The following MPPED2 variants were observed in gnomAD, a reference collection of about 807,000 sequenced individuals.
MPPED2 encodes metallophosphoesterase MPPED2.
MPPED2 carries 5 observed loss-of-function variants against 33.0 expected under a neutral mutation model. That is an observed-to-expected ratio of 0.15 (90% CI 0.08 to 0.32). The LOEUF (loss-of-function observed/expected upper bound fraction) is 0.32, where lower values mean the gene tolerates loss of function less well. Among genes scored for constraint, MPPED2 ranks in the 10% least tolerant of loss-of-function variants. MPPED2 has a pLI of 1.00. For missense variants in MPPED2, 275 were observed against 372.1 expected, an observed-to-expected ratio of 0.74 and a Z score of 2.15; for synonymous variants, 136 against 141.9, an observed-to-expected ratio of 0.96 and a Z score of 0.29.
At chr11:30,442,050 G>A (rs1949596353) in intron 4 of MPPED2, among the ~76,000 whole-genome samples, 1 of 152,180 alleles carries the variant, frequency 6.6e-6, no homozygotes, top group Non-Finnish European at 1.5e-5. Flanking sequence ...CTCAGAGATG[G>A]CCAGAAGGAG....
chr11:30,417,623 A>G lies in MPPED2; in HGVS notation c.547T>C (p.Phe183Leu). The change falls in exon 5 of 7, where the codon TTT becomes CTT. Residue 183 changes from phenylalanine to leucine, a missense_variant. Transcript: ENST00000358117. ...RIYGAPWTPWFNGWGFNLPRG... is the reference protein window; with the variant it reads ...RIYGAPWTPWLNGWGFNLPRG... ...GGTAGGTTAAAGCCCCATCCATTAA[A>G]CCACGGGGTCCTTTGGGGGAGATAA... is the stretch of plus-strand genomic sequence containing the variant. 6.2e-7 allele frequency: 1 copy of G among 1,609,072 alleles called. No individual in the cohort carries two copies. Among genetic ancestry groups the G allele is most frequent in the Non-Finnish European group, 8.5e-7 (1 of 1,175,898 alleles).
intron 2 of MPPED2, among the ~76,000 whole-genome samples, chr11:30,557,421 T>C (rs111333870): frequency 1.4e-4 from 22 of 152,198 alleles, no homozygotes; most frequent in African/African-American, 4.8e-4. Context: ...CATTTATTCA[T>C]GACTCATGAT....
At chr11:30,519,427 A>C (rs1017258654) in intron 3 of MPPED2, among the ~76,000 whole-genome samples, 3 of 152,002 alleles carry the variant, frequency 2.0e-5, no homozygotes, top group African/African-American at 7.2e-5. Flanking sequence ...GTAATAGCCT[A>C]TAAAATATAC....
intron 4 of MPPED2, among the ~76,000 whole-genome samples, chr11:30,464,298 C>CACACACACAT (rs1205144616): frequency 6.6e-6 from 1 of 151,432 alleles, no homozygotes; most frequent in African/African-American, 2.4e-5. Context: ...CACACACACA[C>CACACACACAT]ATACCACTTG....
At chr11:30,398,911 TG>T (rs898046520) in intron 6 of MPPED2, among the ~76,000 whole-genome samples, 10 of 152,234 alleles carry the variant, frequency 6.6e-5, no homozygotes, top group Middle Eastern at 3.4e-3. Context: ...TGGTTATAAA[TG>T]TTTTTTTATT....
intron 2 of MPPED2, among the ~76,000 whole-genome samples, chr11:30,573,206 G>A (rs866304945): frequency 1.3e-5 from 2 of 152,052 alleles, no homozygotes; most frequent in African/African-American, 2.4e-5. Context: ...ATTTTCTATC[G>A]CCTAATGACA....
At chr11:30,517,966 C>T (rs1953627933) in intron 3 of MPPED2, among the ~76,000 whole-genome samples, 2 of 152,154 alleles carry the variant, frequency 1.3e-5, no homozygotes, top group South Asian at 4.1e-4. Context: ...GAGGAACTCA[C>T]CATGTACACT....
At chr11:30,544,170 T>C (rs980747893) in intron 2 of MPPED2, among the ~76,000 whole-genome samples, 1 of 152,164 alleles carries the variant, frequency 6.6e-6, no homozygotes, top group Admixed American at 6.5e-5. Context: ...TTTATGTGCA[T>C]CAGGCTAACT....
rs974226517 is a variant in MPPED2, at chr11:30,497,929, G to A, written c.311-2408C>T. 3.3e-5 allele frequency among the ~76,000 whole-genome samples: 5 copies of A among 152,020 alleles called. No homozygotes were observed. The South Asian group carries it at 6.2e-4, about 19-fold the overall frequency. On this transcript the variant is annotated intron_variant, in intron 3 of 6. Coordinates refer to ENST00000358117, the MANE Select transcript of MPPED2 (RefSeq NM_001584.3). The stretch of plus-strand genomic sequence containing the variant: ...CTTCCAACTTCTATCCTCTGTTACC[G>A]ATGTTATGAGATTGTCTGACATATT...
At chr11:30,502,085 G>A (rs575638690) in intron 3 of MPPED2, among the ~76,000 whole-genome samples, 1 of 152,144 alleles carries the variant, frequency 6.6e-6, no homozygotes, top group Non-Finnish European at 1.5e-5. Flanking sequence ...AAAATTAAGA[G>A]GAAACCACTG....
intron 6 of MPPED2, among the ~76,000 whole-genome samples, chr11:30,400,752 A>G (rs622059): frequency 0.36 from 54,254 of 151,632 alleles, 9,994 homozygotes; most frequent in Non-Finnish European, 0.38. Context: ...TCCAATACAT[A>G]TCATCAAACA....
chr11:30,498,053 G>A (rs1283093122), intron 3 of MPPED2, among the ~76,000 whole-genome samples: 1 of 144,504 alleles, frequency 6.9e-6, no homozygotes, highest in African/African-American at 2.7e-5. Flanking sequence ...CCTGTTACTT[G>A]ACGGCATTTT....
chr11:30,499,532 A>G (rs1952457915), intron 3 of MPPED2, among the ~76,000 whole-genome samples: 1 of 152,110 alleles, frequency 6.6e-6, no homozygotes, highest in African/African-American at 2.4e-5. Flanking sequence ...TCCCACTCCC[A>G]TAAGCACCTT....
chr11:30,396,888 T>C (rs1424828969), intron 6 of MPPED2, among the ~76,000 whole-genome samples: 1 of 152,138 alleles, frequency 6.6e-6, no homozygotes, highest in African/African-American at 2.4e-5. Flanking sequence ...TCTGGATATA[T>C]CAAATTAGGT....
intron 4 of MPPED2, among the ~76,000 whole-genome samples, chr11:30,442,348 A>C (rs1949615763): frequency 6.6e-6 from 1 of 152,210 alleles, no homozygotes; most frequent in Non-Finnish European, 1.5e-5. Flanking sequence ...TCTAATAGGA[A>C]AGAGTCTACA....
At chr11:30,539,656 T>C (rs1954995610) in intron 2 of MPPED2, among the ~76,000 whole-genome samples, 1 of 152,190 alleles carries the variant, frequency 6.6e-6, no homozygotes, top group African/African-American at 2.4e-5. Context: ...GATCTCGCTC[T>C]ATCACCCAGG....
At chr11:30,465,596 T>C (rs759317508) in intron 4 of MPPED2, among the ~76,000 whole-genome samples, 2 of 152,202 alleles carry the variant, frequency 1.3e-5, no homozygotes, top group Non-Finnish European at 2.9e-5. Flanking sequence ...ATGCCCAGCC[T>C]AGCCTTTTCT....
chr11:30,494,879 T>A (rs1202124779), intron 4 of MPPED2, among the ~76,000 whole-genome samples: 1 of 152,174 alleles, frequency 6.6e-6, no homozygotes, highest in African/African-American at 2.4e-5. Flanking sequence ...CAATGATTTA[T>A]ATCATATTTA....
chr11:30,418,948 G>A (rs1241503264), intron 4 of MPPED2, among the ~76,000 whole-genome samples: 5 of 152,306 alleles, frequency 3.3e-5, no homozygotes, highest in East Asian at 1.9e-4. Context: ...CTCAGTTCAC[G>A]CTGATATGGT....
Sources: gnomAD v4.1 joint callset for allele counts (sites outside exome capture counted in the v4.1 genomes callset) on GRCh38, gnomAD v4.1.1 for gene constraint, MANE v1.5 for transcripts, NCBI Gene and HGNC (gene_info 2026-07-23, HGNC 2026-07-21) for gene names.